The following AK8 variants were observed in gnomAD, a reference collection of about 807,000 sequenced individuals.
AK8 encodes the protein adenylate kinase 8, also known as ATP-AMP transphosphorylase 8.
AK8 carries 44 observed loss-of-function variants against 54.6 expected under a neutral mutation model. The ratio of observed to expected loss-of-function variants is 0.81; its 90% confidence interval spans 0.63 to 1.04. The LOEUF (loss-of-function observed/expected upper bound fraction) is 1.04. Ranked by LOEUF, AK8 falls within the 50% of genes least tolerant of loss-of-function variation. AK8 has a pLI of 0.00. For synonymous variants in AK8, 239 were observed against 245.6 expected (o/e 0.97, Z 0.25); for missense variants, 555 against 613.6 (o/e 0.90, Z 1.01).
intron 5 of AK8, among the ~76,000 whole-genome samples, chr9:132,844,884 C>T (rs568960763): frequency 6.6e-6 from 1 of 152,330 alleles, no homozygotes; most frequent in East Asian, 1.9e-4. Context: ...TCCTGAGATG[C>T]AACCTTTGAA....
At chr9:132,774,610 C>G (rs1839129034) in intron 11 of AK8, among the ~76,000 whole-genome samples, 2 of 152,276 alleles carry the variant, frequency 1.3e-5, no homozygotes, top group East Asian at 1.9e-4. Context: ...TATGATTTCT[C>G]CAAGTCATCT....
intron 9 of AK8, among the ~76,000 whole-genome samples, chr9:132,821,120 T>C (rs1207651545): frequency 6.6e-6 from 1 of 151,490 alleles, no homozygotes; most frequent in East Asian, 1.9e-4. Context: ...CTGAACGCAA[T>C]TTGAATTAAA....
chr9:132,854,843 C>T lies in AK8; in HGVS notation c.402+14G>A. 6.2e-7 allele frequency: 1 copy of T among 1,614,060 alleles called. No homozygotes were observed. The highest frequency in any genetic ancestry group is 8.5e-7 in the Non-Finnish European group (1 of 1,179,972). On this transcript the variant is annotated intron_variant, in intron 5 of 12. Transcript: ENST00000298545. The stretch of plus-strand genomic sequence containing the variant: ...TATCTTGGCACTGAAACCCCTAGCT[C>T]ACTGGAGTCTTACCTGCTTGATGCA...
At chr9:132,873,159 G>A (rs1015402467) in intron 2 of AK8, among the ~76,000 whole-genome samples, 6 of 152,212 alleles carry the variant, frequency 3.9e-5, no homozygotes, top group Non-Finnish European at 7.3e-5. Context: ...TATTGGCCAG[G>A]CTGGCAAGCA....
intron 11 of AK8, among the ~76,000 whole-genome samples, chr9:132,728,313 T>C (rs942485002): frequency 2.6e-5 from 4 of 152,134 alleles, no homozygotes; most frequent in East Asian, 1.9e-4. Flanking sequence ...ACTCCTGGGG[T>C]TGGGACTCCC....
chr9:132,757,432 T>C (rs1838245182), intron 11 of AK8, among the ~76,000 whole-genome samples: 1 of 152,230 alleles, frequency 6.6e-6, no homozygotes, highest in African/African-American at 2.4e-5. Flanking sequence ...CACTCTCTTA[T>C]AGAACAATCC....
intron 11 of AK8, among the ~76,000 whole-genome samples, chr9:132,774,387 GT>G (rs934733996): frequency 9.0e-4 from 137 of 152,242 alleles, no homozygotes; most frequent in Admixed American, 3.7e-3. Context: ...TTTCTTAAAA[GT>G]TTTTTTATAT....
At chr9:132,835,211 T>A (rs143107605) in intron 5 of AK8, among the ~76,000 whole-genome samples, 74 of 152,118 alleles carry the variant, frequency 4.9e-4, no homozygotes, top group African/African-American at 1.6e-3. Flanking sequence ...TAAAAAAAAT[T>A]TAAATTCCTA....
At chr9:132,833,761 C>T (rs1270663181) in intron 5 of AK8, among the ~76,000 whole-genome samples, 1 of 152,262 alleles carries the variant, frequency 6.6e-6, no homozygotes, top group African/African-American at 2.4e-5. Flanking sequence ...GCCTGGGGAA[C>T]TTGGCGAGGC....
chr9:132,853,749 A>G (rs1357667239), intron 5 of AK8, among the ~76,000 whole-genome samples: 3 of 135,132 alleles, frequency 2.2e-5, no homozygotes. Context: ...TCGCCACTGC[A>G]CTCCAGCCTG....
chr9:132,782,751 C>T (rs1284688800), intron 11 of AK8, among the ~76,000 whole-genome samples: 2 of 152,036 alleles, frequency 1.3e-5, no homozygotes, highest in Admixed American at 1.3e-4. Context: ...ACGTCTGTGG[C>T]ATTAACTATG....
chr9:132,812,202 G>A (rs910955788), intron 10 of AK8, among the ~76,000 whole-genome samples: 5 of 147,942 alleles, frequency 3.4e-5, no homozygotes, highest in East Asian at 3.9e-4. Context: ...CAGGTACTCC[G>A]CCATTGCTGC....
intron 11 of AK8, among the ~76,000 whole-genome samples, chr9:132,736,611 C>T (rs1386096851): frequency 6.6e-6 from 1 of 151,270 alleles, no homozygotes; most frequent in Non-Finnish European, 1.5e-5. Flanking sequence ...CAGTGAAACC[C>T]CGTCTCTACT....
At chr9:132,821,475 A>T (rs1196027758) in intron 9 of AK8, among the ~76,000 whole-genome samples, 4 of 152,160 alleles carry the variant, frequency 2.6e-5, no homozygotes, top group Non-Finnish European at 4.4e-5. Flanking sequence ...ACTCAGGAAC[A>T]TTTTTTATTC....
At chr9:132,816,079 C>T (rs999193570) in intron 9 of AK8, among the ~76,000 whole-genome samples, 2 of 152,176 alleles carry the variant, frequency 1.3e-5, no homozygotes, top group Non-Finnish European at 1.5e-5. Context: ...GGGAGCTAGG[C>T]GCAGTGGCTC....
At chr9:132,857,776 C>A (rs1263251744) in intron 4 of AK8, among the ~76,000 whole-genome samples, 2 of 152,340 alleles carry the variant, frequency 1.3e-5, no homozygotes, top group South Asian at 4.1e-4. Context: ...GGGCACAGCA[C>A]CCCCTGCAGC....
At chr9:132,732,659 C>A (rs993313786) in intron 11 of AK8, among the ~76,000 whole-genome samples, 2 of 152,096 alleles carry the variant, frequency 1.3e-5, no homozygotes, top group African/African-American at 4.8e-5. Flanking sequence ...GGGGCCTGCA[C>A]CCAAAGAGAG....
rs1840361593 is a variant in AK8 at position 132,799,887 on chromosome 9, T to C, written c.980-7112A>G. ...TGGGGGAGGCTGGCATTTGCTTCTC[T>C]TTCTCCTGTGGTCCCTGGGTCCCTG... On this transcript the variant is annotated intron_variant, in intron 10 of 12. Transcript: ENST00000298545. This position sits in a 1 kb window ranked among gnomAD's most constrained non-coding sequence, Gnocchi z 5.0. Among the ~76,000 whole-genome samples the C allele has an allele frequency of 6.6e-6, 1 of 152,162 alleles. No individual in the cohort carries two copies. Among genetic ancestry groups the C allele is most frequent in the Admixed American group, 6.5e-5 (1 of 15,278 alleles).
At chr9:132,858,826 AG>A (rs1274277537) in intron 4 of AK8, among the ~76,000 whole-genome samples, 1 of 152,304 alleles carries the variant, frequency 6.6e-6, no homozygotes, top group East Asian at 1.9e-4. Flanking sequence ...GAGGCTTCAA[AG>A]GAAGAGAGCA....
Sources: gnomAD v4.1 joint callset for allele counts (sites outside exome capture counted in the v4.1 genomes callset) on GRCh38, gnomAD v4.1.1 for gene constraint, Gnocchi (gnomAD v3.1) non-coding constraint, MANE v1.5 for transcripts, NCBI Gene and HGNC (gene_info 2026-07-23, HGNC 2026-07-21) for gene names.